Variants in PID1 observed in about 807,000 individuals in gnomAD.
PID1 encodes the protein phosphotyrosine interaction domain containing 1, also known as PTB-containing, cubilin and LRP1-interacting protein.
A neutral mutation model predicts 19.1 loss-of-function variants in PID1; 10 were observed. The ratio of observed to expected loss-of-function variants is 0.52; its 90% CI spans 0.32 to 0.89. The LOEUF is 0.89. PID1 is among the 40% of genes least tolerant of loss of function. The probability of loss-of-function intolerance (pLI) is 0.03; values close to 1 mark genes in which losing one functional copy is unlikely to be tolerated. For synonymous variants in PID1, 130 were observed against 116.0 expected, an observed-to-expected ratio of 1.12 and a Z score of -0.78; for missense variants, 248 against 285.3, an observed-to-expected ratio of 0.87 and a Z score of 0.94.
chr2:229,253,656 A>C (rs1690211943), intron 1 of PID1, among the ~76,000 whole-genome samples: 1 of 151,744 alleles, frequency 6.6e-6, no homozygotes, highest in Admixed American at 6.6e-5. Flanking sequence ...CAGTTTTTAC[A>C]CGGAAGGGTA....
intron 1 of PID1, among the ~76,000 whole-genome samples, chr2:229,171,172 T>C (rs923685309): frequency 2.0e-5 from 3 of 152,240 alleles, no homozygotes; most frequent in African/African-American, 7.2e-5. Context: ...TTGGTTTTGC[T>C]TTCATTTCAC....
intron 2 of PID1, among the ~76,000 whole-genome samples, chr2:229,143,600 G>A (rs982744991): frequency 6.6e-6 from 1 of 152,112 alleles, no homozygotes; most frequent in Non-Finnish European, 1.5e-5. Flanking sequence ...TTTAAAGCTT[G>A]CAAAGTGTTG....
chr2:229,179,046 C>A lies in PID1; in HGVS notation c.31-23082G>T, dbSNP rs146213405. Among the ~76,000 whole-genome samples, 344 of 152,310 alleles carry A rather than the reference C, an allele frequency of 2.3e-3. 2 individuals are homozygous for A. The highest frequency in any genetic ancestry group is 7.9e-3 in the African/African-American group (329 of 41,558). On this transcript the variant is annotated intron_variant, in intron 1 of 2. Coordinates refer to ENST00000392055, the MANE Select transcript of PID1 (RefSeq NM_001100818.2). ...TAACCACTAACTCTTTCACTACTCA[C>A]CCCTCTGGTTTGCAAATGTTTAAAA...
intron 1 of PID1, among the ~76,000 whole-genome samples, chr2:229,268,166 G>C (rs1018842948): frequency 6.6e-6 from 1 of 152,220 alleles, no homozygotes; most frequent in African/African-American, 2.4e-5. Context: ...ACCCAGCGCA[G>C]CTCTGCTCAG....
chr2:229,163,565 C>T (rs1690532191), intron 1 of PID1, among the ~76,000 whole-genome samples: 2 of 151,322 alleles, frequency 1.3e-5, no homozygotes, highest in South Asian at 2.1e-4. Flanking sequence ...AAAATAACTC[C>T]GTGCCCAAGG....
At chr2:229,209,968 A>G (rs1691691283) in intron 1 of PID1, among the ~76,000 whole-genome samples, 1 of 152,180 alleles carries the variant, frequency 6.6e-6, no homozygotes, top group African/African-American at 2.4e-5. Flanking sequence ...ATGAACATAC[A>G]TGTTGAAAAT....
At chr2:229,227,982 T>C (rs1246475202) in intron 1 of PID1, 4 of 455,878 alleles carry the variant, frequency 8.8e-6, no homozygotes, top group Admixed American at 7.1e-5. Flanking sequence ...CTGTAGATTT[T>C]GGTATTCACA....
At chr2:229,139,025 A>G (rs1308698356) in intron 2 of PID1, among the ~76,000 whole-genome samples, 22 of 88,182 alleles carry the variant, frequency 2.5e-4, no homozygotes, top group African/African-American at 9.5e-4. Context: ...GAAAGAAAGA[A>G]AGAAAGAAAG....
chr2:229,156,323 T>C (rs1380651047), intron 1 of PID1, among the ~76,000 whole-genome samples: 2 of 152,214 alleles, frequency 1.3e-5, no homozygotes, highest in East Asian at 1.9e-4. Flanking sequence ...GAGGATGTTA[T>C]AGGGGTTATT....
chr2:229,044,371 C>T (rs1485277888), intron 2 of PID1, among the ~76,000 whole-genome samples: 2 of 152,004 alleles, frequency 1.3e-5, no homozygotes, highest in Admixed American at 1.3e-4. Context: ...TCTGCCCATC[C>T]CACCAAGAAA....
intron 2 of PID1, among the ~76,000 whole-genome samples, chr2:229,104,984 C>T (rs1226173875): frequency 3.3e-5 from 5 of 151,566 alleles, no homozygotes; most frequent in East Asian, 1.9e-4. Flanking sequence ...CAGAGACAAA[C>T]GCACTGCTCT....
intron 1 of PID1, among the ~76,000 whole-genome samples, chr2:229,177,005 G>A (rs1272099289): frequency 1.3e-5 from 2 of 152,206 alleles, no homozygotes; most frequent in African/African-American, 2.4e-5. Flanking sequence ...TGTGGCTGTG[G>A]AGGCCTCACA....
At chr2:229,100,050 C>T (rs1695045169) in intron 2 of PID1, among the ~76,000 whole-genome samples, 1 of 152,140 alleles carries the variant, frequency 6.6e-6, no homozygotes, top group South Asian at 2.1e-4. Context: ...CTTGCCTCCT[C>T]CTTCTCTGAC....
At chr2:229,158,064 T>C (rs1280666386) in intron 1 of PID1, among the ~76,000 whole-genome samples, 1 of 152,252 alleles carries the variant, frequency 6.6e-6, no homozygotes, top group Non-Finnish European at 1.5e-5. Flanking sequence ...GGATAATTTC[T>C]ATGATCCCAC....
At chr2:229,191,427 G>A (rs1362184148) in intron 1 of PID1, among the ~76,000 whole-genome samples, 1 of 152,052 alleles carries the variant, frequency 6.6e-6, no homozygotes, top group Non-Finnish European at 1.5e-5. Flanking sequence ...CCTCTCTCAG[G>A]GCTCCCTTGG....
rs1440645983 is a variant in PID1 at position 229,069,432 on chromosome 2, T to C, written c.178-43324A>G. Among the ~76,000 whole-genome samples the C allele has an allele frequency of 2.0e-5, 3 of 152,028 alleles. No homozygotes were observed. In the South Asian group the frequency reaches 6.2e-4, roughly 32 times the overall value. On this transcript the variant is annotated intron_variant, in intron 2 of 2. Coordinates refer to ENST00000392055, the MANE Select transcript of PID1 (RefSeq NM_001100818.2). Reference sequence around the variant, plus strand: ...TGGAGATGAGTCACAGGGCCAGAACTTACCATCTATGGGACTTTAGGCAAT... The same window carrying C: ...TGGAGATGAGTCACAGGGCCAGAACCTACCATCTATGGGACTTTAGGCAAT...
chr2:229,084,358 C>T (rs1399755186), intron 2 of PID1, among the ~76,000 whole-genome samples: 1 of 152,196 alleles, frequency 6.6e-6, no homozygotes, highest in African/African-American at 2.4e-5. Context: ...TTGGCATATG[C>T]ATGGGGATAC....
intron 2 of PID1, among the ~76,000 whole-genome samples, chr2:229,064,210 A>G (rs1040058354): frequency 2.0e-5 from 3 of 152,148 alleles, no homozygotes; most frequent in African/African-American, 7.2e-5. Flanking sequence ...GCAGCGAAGC[A>G]AGGTAAGAGG....
chr2:229,191,393 A>T (rs1304214906), intron 1 of PID1, among the ~76,000 whole-genome samples: 1 of 152,168 alleles, frequency 6.6e-6, no homozygotes, highest in Non-Finnish European at 1.5e-5. Context: ...AGAGAAAGGA[A>T]TGAAATGCTC....
Sources: gnomAD v4.1 joint callset for allele counts (sites outside exome capture counted in the v4.1 genomes callset) on GRCh38, gnomAD v4.1.1 for gene constraint, MANE v1.5 for transcripts, NCBI Gene and HGNC (gene_info 2026-07-23, HGNC 2026-07-21) for gene names.